The following CDH18 variants were observed in gnomAD, a reference collection of about 807,000 sequenced individuals.
The protein encoded by CDH18 is cadherin 18, also known as cadherin-18.
In CDH18, 31 loss-of-function variants were observed where a neutral mutation model predicts 67.9. The observed-to-expected ratio is 0.46, with a 90% CI of 0.34 to 0.62. The LOEUF (loss-of-function observed/expected upper bound fraction) is 0.62. Among genes scored for constraint, CDH18 ranks in the 20% least tolerant of loss-of-function variants. The pLI, the probability that CDH18 is intolerant of heterozygous loss-of-function variation, is 0.01. For missense variants in CDH18, 890 were observed against 975.5 expected (o/e 0.91, Z 1.17); for synonymous variants, 362 against 347.2 (o/e 1.04, Z -0.48).
At chr5:19,967,541 T>C (rs1285626241) in intron 2 of CDH18, among the ~76,000 whole-genome samples, 3 of 152,108 alleles carry the variant, frequency 2.0e-5, no homozygotes, top group African/African-American at 7.2e-5. Context: ...GTTACTAAGC[T>C]TCAAAACAAT....
At chr5:20,229,727 T>G (rs1202725216) in intron 2 of CDH18, among the ~76,000 whole-genome samples, 1 of 152,070 alleles carries the variant, frequency 6.6e-6, no homozygotes, top group Non-Finnish European at 1.5e-5. Flanking sequence ...TTTGCCTTCT[T>G]TTTTGGACTA....
chr5:20,516,148 T>C (rs1359125129), intron 1 of CDH18, among the ~76,000 whole-genome samples: 1 of 152,046 alleles, frequency 6.6e-6, no homozygotes, highest in Non-Finnish European at 1.5e-5. Flanking sequence ...GTAGTACTTA[T>C]TATGGTGGTC....
At chr5:20,395,730 T>C (rs923303444) in intron 1 of CDH18, among the ~76,000 whole-genome samples, 4 of 152,188 alleles carry the variant, frequency 2.6e-5, no homozygotes, top group African/African-American at 9.6e-5. Context: ...GGATCTCTAC[T>C]AATTAGCTTC....
chr5:19,597,494 T>C (rs1330320702), intron 6 of CDH18, among the ~76,000 whole-genome samples: 1 of 152,216 alleles, frequency 6.6e-6, no homozygotes, highest in Non-Finnish European at 1.5e-5. Flanking sequence ...GTGAGTTATG[T>C]TGAGGAAAAC....
intron 2 of CDH18, among the ~76,000 whole-genome samples, chr5:20,064,466 G>C (rs948301947): frequency 6.6e-6 from 1 of 152,076 alleles, no homozygotes; most frequent in African/African-American, 2.4e-5. Context: ...GTGGAATGAT[G>C]TGTTTCAACA....
At chr5:20,161,235 C>T (rs1264106810) in intron 2 of CDH18, among the ~76,000 whole-genome samples, 1 of 152,190 alleles carries the variant, frequency 6.6e-6, no homozygotes, top group Admixed American at 6.5e-5. Flanking sequence ...TGGCATTCCC[C>T]TAGATGCCTG....
chr5:20,218,982 A>G (rs1741003161), intron 2 of CDH18, among the ~76,000 whole-genome samples: 1 of 152,030 alleles, frequency 6.6e-6, no homozygotes, highest in African/African-American at 2.4e-5. Flanking sequence ...AATCAAGAGT[A>G]AACCAAACCT....
At chr5:20,036,150 T>G (rs528706260) in intron 2 of CDH18, among the ~76,000 whole-genome samples, 1 of 152,128 alleles carries the variant, frequency 6.6e-6, no homozygotes, top group African/African-American at 2.4e-5. Context: ...AATAGATTCA[T>G]GACAATTTAC....
At chr5:20,453,668 G>GT (rs907846273) in intron 1 of CDH18, among the ~76,000 whole-genome samples, 1 of 151,808 alleles carries the variant, frequency 6.6e-6, no homozygotes, top group African/African-American at 2.4e-5. Flanking sequence ...GTCTTTCACT[G>GT]TGAGGAAGAA....
chr5:20,539,858 T>C (rs895062842), intron 1 of CDH18, among the ~76,000 whole-genome samples: 2 of 152,140 alleles, frequency 1.3e-5, no homozygotes, highest in South Asian at 2.1e-4. Context: ...TGAAAATCTC[T>C]GTATTGGAGA....
In CDH18 at chr5:20,167,803, A is replaced by T. The variant is rs964766200; in HGVS notation, c.-518+87641T>A. Among the ~76,000 whole-genome samples, 28 of 152,312 alleles carry T rather than the reference A, an allele frequency of 1.8e-4. 1 individual carries two copies. Among genetic ancestry groups the T allele is most frequent in the Admixed American group, 1.5e-3 (23 of 15,292 alleles). On this transcript the variant is annotated intron_variant, in intron 2 of 14. Transcript: ENST00000507958. ...GTAATACGGCCCAAAGGACACCTTTATGGAGCAGGGGGTAAAAACACTTGG... is the reference window on the plus strand; with the variant it reads ...GTAATACGGCCCAAAGGACACCTTTTTGGAGCAGGGGGTAAAAACACTTGG...
At chr5:19,889,810 C>T (rs569195316) in intron 2 of CDH18, among the ~76,000 whole-genome samples, 1 of 152,172 alleles carries the variant, frequency 6.6e-6, no homozygotes, top group Non-Finnish European at 1.5e-5. Flanking sequence ...TCATAAAATG[C>T]ATTATCTAAT....
intron 3 of CDH18, among the ~76,000 whole-genome samples, chr5:19,768,278 TA>T (rs1773336280): frequency 6.6e-6 from 1 of 151,912 alleles, no homozygotes; most frequent in Non-Finnish European, 1.5e-5. Context: ...AAATGGTGAA[TA>T]ACAAAACAAA....
intron 2 of CDH18, among the ~76,000 whole-genome samples, chr5:19,911,939 G>T (rs753392079): frequency 3.9e-5 from 6 of 152,108 alleles, no homozygotes; most frequent in Non-Finnish European, 5.9e-5. Context: ...GGTGGATGAG[G>T]ATAATTACAC....
chr5:19,668,652 G>T (rs1758305139), intron 5 of CDH18, among the ~76,000 whole-genome samples: 2 of 152,076 alleles, frequency 1.3e-5, no homozygotes, highest in African/African-American at 2.4e-5. Flanking sequence ...ATGTGTGAAT[G>T]AGTTTTTATT....
At chr5:19,505,408 G>T (rs1743957178) in intron 10 of CDH18, among the ~76,000 whole-genome samples, 1 of 152,106 alleles carries the variant, frequency 6.6e-6, no homozygotes, top group African/African-American at 2.4e-5. Flanking sequence ...TTTTCAAAGG[G>T]AATGCTTCCA....
intron 2 of CDH18, among the ~76,000 whole-genome samples, chr5:20,150,860 C>A (rs1751042588): frequency 6.6e-6 from 1 of 151,958 alleles, no homozygotes; most frequent in Non-Finnish European, 1.5e-5. Context: ...ATAATACTGA[C>A]TAAAAACAAG....
chr5:19,879,655 G>C (rs1349305867), intron 2 of CDH18, among the ~76,000 whole-genome samples: 3 of 152,006 alleles, frequency 2.0e-5, no homozygotes, highest in Non-Finnish European at 4.4e-5. Flanking sequence ...GTAAGTTTCA[G>C]TTGAAGTATT....
chr5:20,496,538 A>T lies in CDH18; in HGVS notation c.-580+78924T>A, dbSNP rs1303314095. Among the ~76,000 whole-genome samples the T allele has an allele frequency of 2.6e-5, 4 of 152,270 alleles. No homozygotes were observed. In the East Asian group the frequency reaches 7.7e-4, roughly 29 times the overall value. On this transcript the variant is annotated intron_variant, in intron 1 of 14. Transcript: ENST00000507958. Reference sequence around the variant, plus strand: ...ATACAATTGATAAAAAATTATGGTGATTATTTAATATTCATTTTTTTGAGA... The same window carrying T: ...ATACAATTGATAAAAAATTATGGTGTTTATTTAATATTCATTTTTTTGAGA...
Sources: gnomAD v4.1 joint callset for allele counts (sites outside exome capture counted in the v4.1 genomes callset) on GRCh38, gnomAD v4.1.1 for gene constraint, MANE v1.5 for transcripts, NCBI Gene and HGNC (gene_info 2026-07-23, HGNC 2026-07-21) for gene names.